The following ARHGAP25 variants were observed in gnomAD, a reference collection of about 807,000 sequenced individuals.
ARHGAP25 encodes Rho GTPase activating protein 25.
Under a neutral mutation model 71.0 loss-of-function variants are expected in ARHGAP25, and 34 were observed. That is an observed-to-expected ratio of 0.48 (90% confidence interval 0.36 to 0.64). The LOEUF (loss-of-function observed/expected upper bound fraction) is 0.64. Ranked by LOEUF, ARHGAP25 falls within the 30% of genes least tolerant of loss-of-function variation. The pLI, the probability that ARHGAP25 is intolerant of heterozygous loss-of-function variation, is 0.00. For missense variants in ARHGAP25, 706 were observed against 805.1 expected, an observed-to-expected ratio of 0.88 and a Z score of 1.49; for synonymous variants, 282 against 296.5, an observed-to-expected ratio of 0.95 and a Z score of 0.50.
At chr2:68,781,123 C>T (rs755982876) in intron 2 of ARHGAP25, among the ~76,000 whole-genome samples, 8 of 152,122 alleles carry the variant, frequency 5.3e-5, no homozygotes, top group Non-Finnish European at 8.8e-5. Context: ...CACGGTGGCT[C>T]ATGCCTGTAA....
Position 68,775,417 on chromosome 2 carries a change from C to T in ARHGAP25, c.258C>T (p.Pro86=), listed in dbSNP as rs926100990. ...YYYKDEEDTK[P]QGCMYLPGCT... is the part of the protein sequence containing the mutation. ...ACAAGGATGAAGAGGACACGAAGCC[C>T]CAGGTACCAGCCAGGCTGTTTGTCC... Residue 86 remains proline (P), a synonymous_variant, in exon 2 of 11, where the codon CCC becomes CCT. Coordinates refer to ENST00000409202, the MANE Select transcript of ARHGAP25 (RefSeq NM_001007231.3). 2.5e-6 allele frequency: 4 copies of T among 1,614,228 alleles called. No homozygotes were observed. Among genetic ancestry groups the T allele is most frequent in the Non-Finnish European group, 3.4e-6 (4 of 1,180,042 alleles).
chr2:68,720,316 C>CAAAAAA (rs11314943), intron 2 of ARHGAP25, among the ~76,000 whole-genome samples: 4 of 75,652 alleles, frequency 5.3e-5, no homozygotes, highest in African/African-American at 1.8e-4. Context: ...ACATTTCAGT[C>CAAAAAA]AAAAAAAAAA....
intron 4 of ARHGAP25, among the ~76,000 whole-genome samples, chr2:68,788,901 A>C (rs1678956655): frequency 6.6e-6 from 1 of 152,222 alleles, no homozygotes; most frequent in Admixed American, 6.5e-5. Context: ...AGAATATCAC[A>C]ATAATTTTGT....
rs1220714865 is a variant in ARHGAP25, at chr2:68,808,519, G to T, written c.674+1039G>T. Among the ~76,000 whole-genome samples, 5 of 152,290 alleles carry T rather than the reference G, an allele frequency of 3.3e-5. No homozygotes were observed. The East Asian group carries it at 9.6e-4, about 29-fold the overall frequency. On this transcript the variant is annotated intron_variant, in intron 5 of 10. Transcript: ENST00000409202. ...AGTTGTAGTTTGGACAACCATAGGG[G>T]TGTCTTTCTTGCCCTTAATAAGTTA...
rs182507453 is a variant in ARHGAP25 at position 68,807,967 on chromosome 2, C to T, written c.674+487C>T. On this transcript the variant is annotated intron_variant, in intron 5 of 10. Transcript: ENST00000409202. ...GTTAGTTTCCTGGATCACAGTACTA[C>T]GTGATTCTGACTCAGTTCTGAGCCC... Among the ~76,000 whole-genome samples, 22 of 152,322 alleles carry T rather than the reference C, an allele frequency of 1.4e-4. 1 individual carries two copies. In the South Asian group the frequency reaches 1.7e-3, roughly 11 times the overall value.
chr2:68,740,165 G>A (rs1346749381), intron 1 of ARHGAP25, among the ~76,000 whole-genome samples: 2 of 152,148 alleles, frequency 1.3e-5, no homozygotes, highest in Admixed American at 1.3e-4. Context: ...GAACAGCTAT[G>A]GGAGTCCCAG....
At chr2:68,790,525 T>C (rs1480694501) in intron 4 of ARHGAP25, among the ~76,000 whole-genome samples, 1 of 152,192 alleles carries the variant, frequency 6.6e-6, no homozygotes, top group African/African-American at 2.4e-5. Context: ...ATCTCTAACG[T>C]GGGTTGACTA....
intron 1 of ARHGAP25, among the ~76,000 whole-genome samples, chr2:68,765,473 A>G (rs1488433595): frequency 6.6e-6 from 1 of 152,088 alleles, no homozygotes; most frequent in East Asian, 1.9e-4. Context: ...AATATAATGA[A>G]CCCCCATGTA....
At chr2:68,725,223 C>T (rs763421210) in intron 2 of ARHGAP25, among the ~76,000 whole-genome samples, 1 of 152,190 alleles carries the variant, frequency 6.6e-6, no homozygotes, top group Non-Finnish European at 1.5e-5. Context: ...CTCACCTAGA[C>T]CATTGCAGTC....
At chr2:68,793,817 G>A (rs76177927) in intron 4 of ARHGAP25, among the ~76,000 whole-genome samples, 2,746 of 152,032 alleles carry the variant, frequency 0.018, 78 homozygotes, top group African/African-American at 0.063. Context: ...AAGAAATGAC[G>A]TTGGTATTTT....
chr2:68,782,660 TAGA>T (rs1678424399), intron 3 of ARHGAP25, among the ~76,000 whole-genome samples: 2 of 152,310 alleles, frequency 1.3e-5, no homozygotes, highest in Admixed American at 6.5e-5. Context: ...GAACTCATTG[TAGA>T]AGGAGAGTAG....
chr2:68,796,786 G>C (rs1227197360), intron 4 of ARHGAP25, among the ~76,000 whole-genome samples: 1 of 152,168 alleles, frequency 6.6e-6, no homozygotes, highest in African/African-American at 2.4e-5. Context: ...GGCCTGTGGG[G>C]GGCTTTTTTG....
At chr2:68,812,897 G>T (rs1004095875) in intron 5 of ARHGAP25, among the ~76,000 whole-genome samples, 4 of 152,202 alleles carry the variant, frequency 2.6e-5, no homozygotes, top group Non-Finnish European at 5.9e-5. Context: ...TTAAAGAGAA[G>T]AATGGACCAA....
intron 3 of ARHGAP25, among the ~76,000 whole-genome samples, chr2:68,787,346 A>C (rs1327493324): frequency 6.6e-6 from 1 of 152,218 alleles, no homozygotes; most frequent in Non-Finnish European, 1.5e-5. Context: ...AAATATGATC[A>C]CCAAGCACCA....
At chr2:68,728,008 A>C in intron 2 of ARHGAP25, among the ~76,000 whole-genome samples, 1 of 152,252 alleles carries the variant, frequency 6.6e-6, no homozygotes, top group Non-Finnish European at 1.5e-5. Context: ...AGTCTGCTGG[A>C]AATTTGAAAT....
In ARHGAP25 at chr2:68,729,277, A is replaced by G. The variant is rs555485978; in HGVS notation, c.-18+18579A>G. Among the ~76,000 whole-genome samples, 372 of 152,326 alleles carry G rather than the reference A, an allele frequency of 2.4e-3. 3 individuals are homozygous for G. Among genetic ancestry groups the G allele is most frequent in the African/African-American group, 8.3e-3 (346 of 41,580 alleles). ...AATTATGTATCAATACAGCTCATAA[A>G]AAACAAGCAGTCAGGTGAAGAACAA... On this transcript the variant is annotated intron_variant and NMD_transcript_variant, in intron 2 of 7. Coordinates refer to the ARHGAP25 transcript ENST00000463483.
At chr2:68,790,285 C>T (rs190492848) in intron 4 of ARHGAP25, among the ~76,000 whole-genome samples, 7 of 152,308 alleles carry the variant, frequency 4.6e-5, no homozygotes, top group South Asian at 4.1e-4. Context: ...CCACCGTGCC[C>T]AGCCACGTTT....
chr2:68,728,032 A>G (rs1038337123), intron 2 of ARHGAP25, among the ~76,000 whole-genome samples: 2 of 152,268 alleles, frequency 1.3e-5, no homozygotes, highest in African/African-American at 4.8e-5. Flanking sequence ...ACTGAGTACA[A>G]TGTACATCAG....
At chr2:68,761,277 TA>T (rs1303182997) in intron 1 of ARHGAP25, among the ~76,000 whole-genome samples, 2 of 152,036 alleles carry the variant, frequency 1.3e-5, no homozygotes, top group Admixed American at 1.3e-4. Flanking sequence ...CCCCAAACTG[TA>T]AAACTCTTAG....
Sources: gnomAD v4.1 joint callset for allele counts (sites outside exome capture counted in the v4.1 genomes callset) on GRCh38, gnomAD v4.1.1 for gene constraint, MANE v1.5 for transcripts, NCBI Gene and HGNC (gene_info 2026-07-23, HGNC 2026-07-21) for gene names.